GLDC: variants seen among roughly 807,000 people sequenced by gnomAD.
GLDC encodes glycine dehydrogenase (decarboxylating), mitochondrial.
GLDC carries 104 observed loss-of-function variants against 121.3 expected under a neutral mutation model. That is an observed-to-expected ratio of 0.86 (90% CI 0.73 to 1.01). GLDC has a LOEUF of 1.01. GLDC is among the 50% of genes least tolerant of loss of function. The pLI, the probability that GLDC is intolerant of heterozygous loss-of-function variation, is 0.00. For synonymous variants in GLDC, 546 were observed against 480.6 expected (o/e 1.14, Z -1.78); for missense variants, 1,429 against 1,306.6 (o/e 1.09, Z -1.44).
intron 18 of GLDC, among the ~76,000 whole-genome samples, chr9:6,555,216 G>A (rs921130744): frequency 6.6e-6 from 1 of 152,124 alleles, no homozygotes; most frequent in East Asian, 1.9e-4. Flanking sequence ...GGCCCCGTTG[G>A]GCACAGTGAT....
At chr9:6,608,351 G>A (rs1818778941) in intron 4 of GLDC, among the ~76,000 whole-genome samples, 1 of 150,572 alleles carries the variant, frequency 6.6e-6, no homozygotes, top group Middle Eastern at 3.3e-3. Context: ...GAACCCAGGA[G>A]GCGGAGCTTG....
At chr9:6,641,451 A>G (rs749813742) in intron 2 of GLDC, among the ~76,000 whole-genome samples, 1 of 152,152 alleles carries the variant, frequency 6.6e-6, no homozygotes, top group Non-Finnish European at 1.5e-5. Context: ...GAAGTTTTCC[A>G]CTTTGTACAC....
chr9:6,595,066 C>A lies in GLDC; in HGVS notation c.1209G>T (p.Gly403=). 9.9e-6 allele frequency: 16 copies of A among 1,613,318 alleles called. No individual in the cohort carries two copies. The highest frequency in any genetic ancestry group is 1.4e-5 in the Non-Finnish European group (16 of 1,179,282). The part of the protein sequence containing the change: ...AMFAIYHGSH[G]LEHIARRVHN... Reference sequence around the variant, plus strand: ...GTACCCTCCTAGCAATATGCTCCAGCCCATGGGAACCATGGTAGATTGCAA... The same window carrying A: ...GTACCCTCCTAGCAATATGCTCCAGACCATGGGAACCATGGTAGATTGCAA... Residue 403 remains glycine (G), a synonymous_variant, in exon 9 of 25, where the codon GGG becomes GGT. Coordinates refer to ENST00000321612, the MANE Select transcript of GLDC (RefSeq NM_000170.3).
chr9:6,590,056 A>G (rs1304613962), intron 11 of GLDC, among the ~76,000 whole-genome samples: 1 of 148,776 alleles, frequency 6.7e-6, no homozygotes, highest in East Asian at 1.9e-4. Flanking sequence ...CTCCATCTTA[A>G]AAAAAAAAAA....
At chr9:6,575,427 G>A (rs546128594) in intron 15 of GLDC, among the ~76,000 whole-genome samples, 1 of 152,128 alleles carries the variant, frequency 6.6e-6, no homozygotes, top group Non-Finnish European at 1.5e-5. Flanking sequence ...GCATCACCTG[G>A]GGATTTGTTA....
intron 15 of GLDC, among the ~76,000 whole-genome samples, chr9:6,575,723 T>G (rs1818051935): frequency 6.6e-6 from 1 of 152,240 alleles, no homozygotes; most frequent in South Asian, 2.1e-4. Context: ...AATTCCAACT[T>G]GTCTTTCACT....
intron 20 of GLDC, among the ~76,000 whole-genome samples, chr9:6,552,449 T>C (rs1310532839): frequency 6.6e-6 from 1 of 152,248 alleles, no homozygotes; most frequent in African/African-American, 2.4e-5. Flanking sequence ...TTGTGTTGTT[T>C]GCAAAACAAC....
rs921772325 is a variant in GLDC at position 6,606,513 on chromosome 9, T to G, written c.713+79A>C. ...GTTTCAGATTCACCTCCAATCAGTT[T>G]GGAAGTGAGAAAGAGAAAGAAACAG... On this transcript the variant is annotated intron_variant, in intron 5 of 24. Transcript: ENST00000321612. The G allele has an allele frequency of 2.3e-5, 22 of 936,316 alleles. No homozygotes were observed. In the Admixed American group the frequency reaches 3.7e-4, roughly 16 times the overall value. The allele number at this position is 936,316 out of a possible 1,614,324, so 58.0% of individuals were successfully genotyped here.
intron 21 of GLDC, among the ~76,000 whole-genome samples, chr9:6,544,507 A>T (rs1313402224): frequency 6.6e-6 from 1 of 152,116 alleles, no homozygotes; most frequent in Non-Finnish European, 1.5e-5. Context: ...AGCCGAGTGC[A>T]GTGGCGGGCA....
At chr9:6,640,773 T>C (rs903491390) in intron 2 of GLDC, among the ~76,000 whole-genome samples, 23 of 152,226 alleles carry the variant, frequency 1.5e-4, no homozygotes, top group African/African-American at 2.4e-5. Flanking sequence ...CAGCGAGGCA[T>C]ACCATAGCTA....
intron 21 of GLDC, among the ~76,000 whole-genome samples, chr9:6,545,781 C>T (rs920317695): frequency 1.3e-5 from 2 of 152,142 alleles, no homozygotes; most frequent in Admixed American, 1.3e-4. Context: ...GCTGGGATTA[C>T]AGATGTCCAC....
chr9:6,593,077 T>TG, intron 9 of GLDC, 87 bp from the exon 10 acceptor site: 1 of 1,410,712 alleles, frequency 7.1e-7, no homozygotes, highest in South Asian at 1.2e-5. Flanking sequence ...AAGAGATAAA[T>TG]TCTACTAGAC....
intron 3 of GLDC, among the ~76,000 whole-genome samples, chr9:6,611,755 C>T (rs1332845049): frequency 3.3e-5 from 5 of 152,218 alleles, no homozygotes; most frequent in Non-Finnish European, 5.9e-5. Flanking sequence ...GTCTTCCTGT[C>T]GTATATCTTG....
At chr9:6,566,669 T>C (rs7027507) in intron 15 of GLDC, among the ~76,000 whole-genome samples, 104,765 of 152,056 alleles carry the variant, frequency 0.69, 37,368 homozygotes, top group African/African-American at 0.85. Flanking sequence ...CCCAGTACCC[T>C]GTGCAGGAAG....
At chr9:6,631,737 G>T (rs765759410) in intron 2 of GLDC, among the ~76,000 whole-genome samples, 1 of 152,208 alleles carries the variant, frequency 6.6e-6, no homozygotes, top group East Asian at 1.9e-4. Flanking sequence ...CTCAAACAGT[G>T]TATCATGCTT....
chr9:6,594,387 G>C (rs1587952210), intron 9 of GLDC, among the ~76,000 whole-genome samples: 1 of 151,892 alleles, frequency 6.6e-6, no homozygotes, highest in Admixed American at 6.6e-5. Flanking sequence ...AGGAGTAAAA[G>C]AGAAAAAAAT....
In GLDC at chr9:6,562,705, C is replaced by T. The variant is rs9299033; in HGVS notation, c.1926+2649G>A. On this transcript the variant is annotated intron_variant, in intron 16 of 24. Coordinates refer to ENST00000321612, the MANE Select transcript of GLDC (RefSeq NM_000170.3). The stretch of plus-strand genomic sequence containing the variant: ...CTCCCTCAGTAGCTGGGATCACAGG[C>T]GTGCACCACCATGCCTGGCTAATTT... Among the ~76,000 whole-genome samples, 976 of 152,268 alleles carry T rather than the reference C, an allele frequency of 6.4e-3. 12 individuals are homozygous for T. The highest frequency in any genetic ancestry group is 0.022 in the African/African-American group (899 of 41,558).
rs55988287 is a variant in GLDC, at chr9:6,644,050, A to AAAAC, written c.334+563_334+564insGTTT. On this transcript the variant is annotated intron_variant, in intron 2 of 24. Coordinates refer to ENST00000321612, the MANE Select transcript of GLDC (RefSeq NM_000170.3). ...GTCTCAAAAAAAAAAAAAAAAAAAA[A>AAAAC]CGAAAAAAAAAAGAAAAGAAAAGAA... Among the ~76,000 whole-genome samples the AAAAC allele has an allele frequency of 3.0e-4, 28 of 92,734 alleles. 1 individual carries two copies. Among genetic ancestry groups the AAAAC allele is most frequent in the African/African-American group, 3.8e-4 (8 of 20,944 alleles). The allele number at this position is 92,734 out of a possible 152,430, so 60.8% of individuals were successfully genotyped here.
chr9:6,574,605 A>C lies in GLDC; in HGVS notation c.1851-9176T>G, dbSNP rs183053351. 3.2e-3 allele frequency among the ~76,000 whole-genome samples: 480 copies of C among 152,336 alleles called. 1 individual carries two copies. Among genetic ancestry groups the C allele is most frequent in the Non-Finnish European group, 4.7e-3 (320 of 68,016 alleles). The stretch of plus-strand genomic sequence containing the variant: ...CCCTAAAGTCTAACAAACTTCAAAA[A>C]TCAAAATATACTCTTGAGAGTTAAG... On this transcript the variant is annotated intron_variant, in intron 15 of 24. Coordinates refer to ENST00000321612, the MANE Select transcript of GLDC (RefSeq NM_000170.3).
Sources: gnomAD v4.1 joint callset for allele counts (sites outside exome capture counted in the v4.1 genomes callset) on GRCh38, gnomAD v4.1.1 for gene constraint, MANE v1.5 for transcripts, NCBI Gene and HGNC (gene_info 2026-07-23, HGNC 2026-07-21) for gene names.